Variants in SNAP91 observed in about 807,000 individuals in gnomAD.
SNAP91 encodes the protein clathrin coat assembly protein AP180.
SNAP91 carries 27 observed loss-of-function variants against 100.3 expected under a neutral mutation model. That is an observed-to-expected ratio of 0.27 (90% confidence interval 0.20 to 0.37). SNAP91 has a LOEUF of 0.37. SNAP91 is among the 10% of genes least tolerant of loss of function. The pLI is 1.00. For missense variants in SNAP91, 986 were observed against 1,123.7 expected (o/e 0.88, Z 1.75); for synonymous variants, 404 against 398.6 (o/e 1.01, Z -0.16).
chr6:83,662,760 T>C (rs2098577242), intron 3 of SNAP91, among the ~76,000 whole-genome samples: 1 of 152,198 alleles, frequency 6.6e-6, no homozygotes, highest in Non-Finnish European at 1.5e-5. Flanking sequence ...CAAAGAAATC[T>C]TTCCTATGGG....
intron 22 of SNAP91, 59 bp downstream of exon 22, chr6:83,591,152 T>C: frequency 1.8e-6 from 2 of 1,089,364 alleles, no homozygotes; most frequent in South Asian, 1.3e-5. Context: ...TTTATAATTG[T>C]TACTTATAAA....
At chr6:83,579,961 G>A (rs1031629751) in intron 24 of SNAP91, among the ~76,000 whole-genome samples, 3 of 152,128 alleles carry the variant, frequency 2.0e-5, no homozygotes, top group African/African-American at 7.2e-5. Flanking sequence ...CTTCCTAAGT[G>A]CCATAAGTAC....
At chr6:83,651,610 T>C (rs2098208842) in intron 7 of SNAP91, among the ~76,000 whole-genome samples, 1 of 152,200 alleles carries the variant, frequency 6.6e-6, no homozygotes, top group Non-Finnish European at 1.5e-5. Flanking sequence ...CAGATGGTTG[T>C]ATGATTCCTA....
At chr6:83,565,208 C>T (rs1354357800) in intron 26 of SNAP91, among the ~76,000 whole-genome samples, 3 of 151,892 alleles carry the variant, frequency 2.0e-5, no homozygotes, top group East Asian at 3.9e-4. Context: ...ACATCACTCT[C>T]ACTATTTGGA....
intron 9 of SNAP91, among the ~76,000 whole-genome samples, chr6:83,617,384 A>C (rs1406464164): frequency 6.6e-6 from 1 of 152,024 alleles, no homozygotes; most frequent in Non-Finnish European, 1.5e-5. Context: ...AAAATGAATA[A>C]GTGTTTGTAT....
At chr6:83,607,610 G>A in intron 13 of SNAP91, 89 bp downstream of exon 13, 2 of 754,744 alleles carry the variant, frequency 2.6e-6, no homozygotes, top group Non-Finnish European at 4.2e-6. Context: ...GATTTCCTTT[G>A]GTGAAATCAT....
At chr6:83,619,752 AT>A (rs2096639385) in intron 9 of SNAP91, among the ~76,000 whole-genome samples, 1 of 152,232 alleles carries the variant, frequency 6.6e-6, no homozygotes, top group Non-Finnish European at 1.5e-5. Context: ...GAATGTACAC[AT>A]GCCACAAACA....
chr6:83,664,382 A>AT (rs1387882719), intron 3 of SNAP91, among the ~76,000 whole-genome samples: 1 of 152,160 alleles, frequency 6.6e-6, no homozygotes, highest in African/African-American at 2.4e-5. Flanking sequence ...TCTAGATGCC[A>AT]TTAAAAACAT....
At position 83,608,701 on chromosome 6, in the gene SNAP91, GA is replaced by G. The variant is rs999896384; in HGVS notation, c.913-894del. On this transcript the variant is annotated intron_variant, in intron 12 of 29. Transcript: ENST00000369694. ...GAAGTTTTAAAAAGAATAATTTGAG[GA>G]AAAAAAAAACTGAGGAGATCAGAAA... is the stretch of plus-strand genomic sequence containing the variant. Among the ~76,000 whole-genome samples the G allele has an allele frequency of 3.1e-4, 45 of 145,386 alleles. No individual in the cohort carries two copies. In the Middle Eastern group the frequency reaches 0.01, roughly 34 times the overall value.
At chr6:83,618,458 G>A (rs1239677846) in intron 9 of SNAP91, among the ~76,000 whole-genome samples, 4 of 151,480 alleles carry the variant, frequency 2.6e-5, no homozygotes, top group Non-Finnish European at 5.9e-5. Context: ...GATGAAAATG[G>A]ACTTAATAAA....
chr6:83,643,112 G>A (rs1585249709), intron 7 of SNAP91, among the ~76,000 whole-genome samples: 1 of 152,104 alleles, frequency 6.6e-6, no homozygotes, highest in African/African-American at 2.4e-5. Context: ...TGAGTAGGTT[G>A]CAAAAATTTT....
intron 16 of SNAP91, 145 bp from the exon 17 acceptor site, chr6:83,594,626 G>T: frequency 1.9e-6 from 1 of 539,470 alleles, no homozygotes; most frequent in Non-Finnish European, 3.2e-6. Flanking sequence ...ATGCGCTGTC[G>T]GTGGTCACAA....
At position 83,581,016 on chromosome 6, in the gene SNAP91, T is replaced by C. The variant is rs558627301; in HGVS notation, c.2150-417A>G. On this transcript the variant is annotated intron_variant, in intron 23 of 29. Transcript: ENST00000369694. The stretch of plus-strand genomic sequence containing the variant: ...GATACATGTCATGGGTTTATTATAA[T>C]GCTTGCTTTATACAGGCATTCAATA... 2.6e-5 allele frequency among the ~76,000 whole-genome samples: 4 copies of C among 152,372 alleles called. No homozygotes were observed. The East Asian group carries it at 7.7e-4, about 29-fold the overall frequency.
chr6:83,666,066 T>A (rs928178278), intron 2 of SNAP91, among the ~76,000 whole-genome samples: 1 of 152,092 alleles, frequency 6.6e-6, no homozygotes, highest in Non-Finnish European at 1.5e-5. Flanking sequence ...ACACTTGTCA[T>A]ATGAGTGGCA....
rs2098387661 is a variant in SNAP91, at chr6:83,655,773, G to A, written c.658+981C>T. 4.6e-5 allele frequency among the ~76,000 whole-genome samples: 7 copies of A among 152,162 alleles called. No homozygotes were observed. In the South Asian group the frequency reaches 1.4e-3, roughly 31 times the overall value. ...CCTCAAGCAGGTTGTGAATAAGCAG[G>A]TAGATTGTATGAACAGATGGTTCAT... On this transcript the variant is annotated intron_variant, in intron 7 of 29. Coordinates refer to ENST00000369694, the MANE Select transcript of SNAP91 (RefSeq NM_001242792.2).
intron 26 of SNAP91, among the ~76,000 whole-genome samples, chr6:83,568,275 C>G (rs1048118587): frequency 6.6e-5 from 10 of 151,836 alleles, no homozygotes; most frequent in African/African-American, 2.4e-4. Flanking sequence ...TGTTCTCACT[C>G]ATAGGTGGGA....
At chr6:83,560,035 A>G (rs1784710994) in intron 28 of SNAP91, 69 bp downstream of exon 28, 4 of 1,315,658 alleles carry the variant, frequency 3.0e-6, no homozygotes, top group Admixed American at 3.4e-5. Flanking sequence ...CTTTTTAAAC[A>G]GTTTGCTACA....
intron 26 of SNAP91, among the ~76,000 whole-genome samples, chr6:83,566,568 A>C (rs1230372739): frequency 6.6e-6 from 1 of 152,180 alleles, no homozygotes; most frequent in Non-Finnish European, 1.5e-5. Context: ...GATCAAATAA[A>C]TGGTCAAATA....
chr6:83,635,368 A>C (rs1439123600), intron 8 of SNAP91, among the ~76,000 whole-genome samples: 1 of 152,102 alleles, frequency 6.6e-6, no homozygotes, highest in Non-Finnish European at 1.5e-5. Flanking sequence ...TTTCCCCCCT[A>C]ATCTCTCATC....
Sources: allele counts gnomAD v4.1 joint callset (sites outside exome capture counted in the v4.1 genomes callset), GRCh38; gene constraint gnomAD v4.1.1; transcripts MANE v1.5; gene names NCBI Gene and HGNC (gene_info 2026-07-23, HGNC 2026-07-21).